GPHN: variants seen among roughly 807,000 people sequenced by gnomAD.
GPHN encodes the protein gephyrin.
GPHN carries 17 observed loss-of-function variants against 95.5 expected under a neutral mutation model. The observed-to-expected ratio is 0.18, with a 90% CI of 0.12 to 0.27. The LOEUF is 0.27. GPHN is among the 10% of genes least tolerant of loss of function. The pLI, the probability that GPHN is intolerant of heterozygous loss-of-function variation, is 1.00. For synonymous variants in GPHN, 320 were observed against 322.5 expected (o/e 0.99, Z 0.08); for missense variants, 660 against 978.1 (o/e 0.67, Z 4.34).
the GPHN span, among the ~76,000 whole-genome samples, chr14:67,482,550 A>G: frequency 1.6e-3 from 246 of 152,220 alleles, 1 homozygote; most frequent in African/African-American, 5.3e-3. Context: ...CTACAGTTCC[A>G]TGTTCTGGGG....
the GPHN span, among the ~76,000 whole-genome samples, chr14:67,320,069 G>T: frequency 6.6e-6 from 1 of 152,154 alleles, no homozygotes; most frequent in African/African-American, 2.4e-5. Context: ...AATAGAAGGA[G>T]TATTATATTG....
At chr14:67,653,527 C>T in the GPHN span, 8 of 1,597,020 alleles carry the variant, frequency 5.0e-6, no homozygotes, top group African/African-American at 5.4e-5. Context: ...GATTATTTCC[C>T]TCTTTAAAAA....
At chr14:66,616,463 G>T (rs1374318453) in intron 1 of GPHN, among the ~76,000 whole-genome samples, 1 of 151,326 alleles carries the variant, frequency 6.6e-6, no homozygotes, top group Non-Finnish European at 1.5e-5. Context: ...CAGTTGTCAG[G>T]TCCCTCTTCT....
At chr14:67,733,740 C>T in the GPHN span, 4 of 1,602,076 alleles carry the variant, frequency 2.5e-6, no homozygotes, top group Admixed American at 3.3e-5. Flanking sequence ...TTTCTCTGCC[C>T]TCCAGTGACT....
At position 67,073,069 on chromosome 14, in the gene GPHN, G is replaced by GT. The variant is rs1245077921; in HGVS notation, c.1144+14290dup. 8.6e-5 allele frequency among the ~76,000 whole-genome samples: 13 copies of GT among 151,428 alleles called. No homozygotes were observed. In the East Asian group the frequency reaches 1.9e-3, roughly 23 times the overall value. On this transcript the variant is annotated intron_variant, in intron 11 of 22. Coordinates refer to ENST00000478722, the MANE Select transcript of GPHN (RefSeq NM_020806.5). Reference sequence around the variant, plus strand: ...AAAATATTTCCTGCATATAAACTTTGTTTTTTTAATTAATGGCCACAGTAA... The same window carrying GT: ...AAAATATTTCCTGCATATAAACTTTGTTTTTTTTAATTAATGGCCACAGTAA...
chr14:67,075,698 T>C (rs79555049), intron 11 of GPHN, among the ~76,000 whole-genome samples: 3,683 of 152,282 alleles, frequency 0.024, 69 homozygotes, highest in Non-Finnish European at 0.036. Context: ...TGACTTTAAG[T>C]AGTTCACTGC....
At chr14:67,220,245 G>A in the GPHN span, among the ~76,000 whole-genome samples, 1 of 152,016 alleles carries the variant, frequency 6.6e-6, no homozygotes, top group African/African-American at 2.4e-5. Context: ...AGACCACCCT[G>A]GGCAATATGT....
the GPHN span, among the ~76,000 whole-genome samples, chr14:67,653,281 C>T: frequency 6.6e-6 from 1 of 152,158 alleles, no homozygotes; most frequent in Non-Finnish European, 1.5e-5. Flanking sequence ...TATTCCTTAG[C>T]GTCTTTATTC....
the GPHN span, chr14:67,360,388 C>G: frequency 1.6e-4 from 62 of 395,752 alleles, no homozygotes; most frequent in African/African-American, 1.2e-3. Context: ...GAGGGGGAAG[C>G]AAGTCTGGTC....
chr14:67,169,310 A>G (rs2082463253), intron 21 of GPHN, among the ~76,000 whole-genome samples: 1 of 152,218 alleles, frequency 6.6e-6, no homozygotes, highest in Admixed American at 6.5e-5. Context: ...ACTTAAGGAC[A>G]AAACAGTCAA....
At chr14:67,393,437 T>C in the GPHN span, among the ~76,000 whole-genome samples, 1 of 152,046 alleles carries the variant, frequency 6.6e-6, no homozygotes, top group Non-Finnish European at 1.5e-5. Context: ...CCATGATGAT[T>C]GATTTTTGTT....
intron 1 of GPHN, among the ~76,000 whole-genome samples, chr14:66,542,769 G>T (rs1278170656): frequency 6.6e-6 from 1 of 152,148 alleles, no homozygotes; most frequent in Non-Finnish European, 1.5e-5. Flanking sequence ...GATTATCTGT[G>T]CTCAATGACT....
chr14:67,348,971 A>C, the GPHN span: 3 of 1,468,512 alleles, frequency 2.0e-6, no homozygotes, highest in Non-Finnish European at 2.8e-6. Flanking sequence ...TTGCTGTATA[A>C]ACAGGTTAAT....
At chr14:67,655,437 T>C in the GPHN span, among the ~76,000 whole-genome samples, 12 of 152,318 alleles carry the variant, frequency 7.9e-5, no homozygotes, top group African/African-American at 2.6e-4. Flanking sequence ...ATCCCTGATA[T>C]AGTCATCATT....
the GPHN span, among the ~76,000 whole-genome samples, chr14:67,266,736 C>T: frequency 2.0e-5 from 3 of 152,154 alleles, no homozygotes; most frequent in Non-Finnish European, 4.4e-5. Context: ...AGAAGTTACA[C>T]AGTTATCAAG....
chr14:67,064,001 G>T (rs567037717), intron 11 of GPHN, among the ~76,000 whole-genome samples: 1 of 152,284 alleles, frequency 6.6e-6, no homozygotes, highest in Non-Finnish European at 1.5e-5. Flanking sequence ...AGACATCCTT[G>T]TGTTGTGCTG....
intron 9 of GPHN, among the ~76,000 whole-genome samples, chr14:67,000,563 T>TTA (rs2072144988): frequency 6.6e-6 from 1 of 151,666 alleles, no homozygotes; most frequent in Non-Finnish European, 1.5e-5. Flanking sequence ...TTCACATGTA[T>TTA]TATTTTTATG....
chr14:67,460,945 A>G, the GPHN span, among the ~76,000 whole-genome samples: 1 of 152,182 alleles, frequency 6.6e-6, no homozygotes, highest in Non-Finnish European at 1.5e-5. Context: ...AACCTTCACA[A>G]TAATCCTATA....
chr14:67,517,699 A>C, the GPHN span, among the ~76,000 whole-genome samples: 52 of 152,188 alleles, frequency 3.4e-4, no homozygotes, highest in Admixed American at 1.2e-3. Context: ...ATTTCTTCCC[A>C]AAAAAATTTA....
Sources: allele counts gnomAD v4.1 joint callset (sites outside exome capture counted in the v4.1 genomes callset), GRCh38; gene constraint gnomAD v4.1.1; transcripts MANE v1.5; gene names NCBI Gene and HGNC (gene_info 2026-07-23, HGNC 2026-07-21).